PRKN: variants seen among roughly 807,000 people sequenced by gnomAD.
The protein encoded by PRKN is parkin RBR E3 ubiquitin protein ligase.
A neutral mutation model predicts 59.5 loss-of-function variants in PRKN; 56 were observed. The ratio of observed to expected loss-of-function variants is 0.94; its 90% CI spans 0.76 to 1.18. PRKN has a LOEUF of 1.18. Ranked by LOEUF, PRKN falls within the 50% of genes most tolerant of loss-of-function variation. The pLI is 0.00. For synonymous variants in PRKN, 250 were observed against 222.1 expected, an observed-to-expected ratio of 1.13 and a Z score of -1.12; for missense variants, 657 against 596.4, an observed-to-expected ratio of 1.10 and a Z score of -1.06.
intron 7 of PRKN, among the ~76,000 whole-genome samples, chr6:161,723,941 C>T (rs1787333607): frequency 6.6e-6 from 1 of 152,212 alleles, no homozygotes; most frequent in African/African-American, 2.4e-5. Flanking sequence ...CTCCACCACC[C>T]TCTCCACTGC....
chr6:162,206,954 G>T (rs529335148), intron 3 of PRKN, among the ~76,000 whole-genome samples: 7 of 152,184 alleles, frequency 4.6e-5, no homozygotes, highest in Non-Finnish European at 8.8e-5. Context: ...TTGAGTGAAG[G>T]TATTCATTAG....
chr6:161,834,252 G>A (rs538427070), intron 6 of PRKN, among the ~76,000 whole-genome samples: 2 of 152,028 alleles, frequency 1.3e-5, no homozygotes, highest in East Asian at 1.9e-4. Context: ...TCCCTTAGTC[G>A]GTCTACACAG....
At chr6:162,430,310 C>A (rs1006093735) in intron 2 of PRKN, among the ~76,000 whole-genome samples, 1 of 152,148 alleles carries the variant, frequency 6.6e-6, no homozygotes, top group Non-Finnish European at 1.5e-5. Context: ...GTAGATAACA[C>A]AATTTTTCTC....
intron 1 of PRKN, among the ~76,000 whole-genome samples, chr6:162,546,918 T>C (rs1240871219): frequency 1.3e-5 from 2 of 152,190 alleles, no homozygotes; most frequent in Admixed American, 6.5e-5. Context: ...TTTTCTCACA[T>C]ACCTTTATTT....
intron 3 of PRKN, among the ~76,000 whole-genome samples, chr6:162,253,256 G>T (rs752816089): frequency 6.7e-6 from 1 of 149,376 alleles, no homozygotes; most frequent in Non-Finnish European, 1.5e-5. Flanking sequence ...AACGAAACAG[G>T]CATGCTGGTG....
At chr6:162,167,416 T>C (rs1414724700) in intron 4 of PRKN, among the ~76,000 whole-genome samples, 3 of 152,164 alleles carry the variant, frequency 2.0e-5, no homozygotes, top group African/African-American at 4.8e-5. Flanking sequence ...AGCTGGATCA[T>C]GGTAAATGCT....
intron 3 of PRKN, among the ~76,000 whole-genome samples, chr6:162,225,905 T>C (rs1583226467): frequency 2.0e-5 from 3 of 146,692 alleles, no homozygotes; most frequent in Admixed American, 6.8e-5. Flanking sequence ...TATATATATA[T>C]ACTTTTGTTA....
rs2115441726 is a variant in PRKN at position 161,554,010 on chromosome 6, A to T, written c.934-5007T>A. On this transcript the variant is annotated intron_variant, in intron 8 of 11. Coordinates refer to ENST00000366898, the MANE Select transcript of PRKN (RefSeq NM_004562.3). This position sits in a 1 kb window ranked among gnomAD's most constrained non-coding sequence, Gnocchi z 4.5. ...CAAGACCATAAATTGGGTGCTAGGCATGTTCAGTGCTCCTAAGTTAGTCAT... is the reference window on the plus strand; with the variant it reads ...CAAGACCATAAATTGGGTGCTAGGCTTGTTCAGTGCTCCTAAGTTAGTCAT... Among the ~76,000 whole-genome samples, 1 of 152,370 alleles carries T rather than the reference A, an allele frequency of 6.6e-6. No homozygotes were observed. The highest frequency in any genetic ancestry group is 1.9e-4 in the East Asian group (1 of 5,186).
rs1790094461 is a variant in PRKN, at chr6:161,459,087, C to T, written c.1084-72210G>A. Among the ~76,000 whole-genome samples the T allele has an allele frequency of 6.6e-6, 1 of 152,196 alleles. No homozygotes were observed. The highest frequency in any genetic ancestry group is 1.5e-5 in the Non-Finnish European group (1 of 68,024). ...TCCTTCCTCAGAGAGTGTCTGCTGA[C>T]AGCCAGGGCCTTGTTAGTGGCCCAG... On this transcript the variant is annotated intron_variant, in intron 9 of 11. Coordinates refer to ENST00000366898, the MANE Select transcript of PRKN (RefSeq NM_004562.3). This position sits in a 1 kb window ranked among gnomAD's most constrained non-coding sequence, Gnocchi z 4.8.
At chr6:161,505,766 C>T (rs1778143666) in intron 9 of PRKN, among the ~76,000 whole-genome samples, 1 of 76,644 alleles carries the variant, frequency 1.3e-5, no homozygotes, top group African/African-American at 5.7e-5. Flanking sequence ...TTCCCAGCAC[C>T]ATTTATTAAA....
chr6:161,486,013 A>C (rs1204871199), intron 9 of PRKN, among the ~76,000 whole-genome samples: 1 of 152,156 alleles, frequency 6.6e-6, no homozygotes, highest in Non-Finnish European at 1.5e-5. Context: ...ATTATGTAGA[A>C]GAGATGTTTA....
chr6:162,219,733 G>A (rs1777853279), intron 3 of PRKN, among the ~76,000 whole-genome samples: 1 of 151,888 alleles, frequency 6.6e-6, no homozygotes, highest in Non-Finnish European at 1.5e-5. Context: ...TGATTCTTCG[G>A]TCCATGAGTA....
chr6:162,389,981 A>C (rs917267930), intron 2 of PRKN, among the ~76,000 whole-genome samples: 1 of 152,134 alleles, frequency 6.6e-6, no homozygotes, highest in Non-Finnish European at 1.5e-5. Flanking sequence ...GCTCAAGGTG[A>C]GACAGTATTT....
rs34466786 is a variant in PRKN, at chr6:161,972,274, C to CAA, written c.734+1026_734+1027dup. ...GAGCAACAAGAGCGAAACTCCTTCT[C>CAA]AAAAAAAAAAAAAAAAAAGAGTTCT... On this transcript the variant is annotated intron_variant, in intron 6 of 11. Transcript: ENST00000366898. Among the ~76,000 whole-genome samples, 458 of 91,368 alleles carry CAA rather than the reference C, an allele frequency of 5.0e-3. 5 individuals are homozygous for CAA. The highest frequency in any genetic ancestry group is 0.019 in the African/African-American group (410 of 21,918). 59.9% of individuals were successfully genotyped at this position (91,368 alleles called of 152,430 possible).
At chr6:162,313,990 T>C (rs1261268135) in intron 2 of PRKN, among the ~76,000 whole-genome samples, 38 of 152,146 alleles carry the variant, frequency 2.5e-4, no homozygotes, top group Admixed American at 2.5e-3. Flanking sequence ...TAGGCACAAC[T>C]GACAAAAAGA....
intron 3 of PRKN, among the ~76,000 whole-genome samples, chr6:162,250,745 A>G (rs1277706682): frequency 6.6e-6 from 1 of 152,234 alleles, no homozygotes; most frequent in Non-Finnish European, 1.5e-5. Flanking sequence ...CTCTGTAAAG[A>G]AAAATTTTCC....
At chr6:162,026,034 C>T (rs914772873) in intron 5 of PRKN, among the ~76,000 whole-genome samples, 1 of 152,146 alleles carries the variant, frequency 6.6e-6, no homozygotes, top group Non-Finnish European at 1.5e-5. Context: ...CATGGGCTCG[C>T]AGGTCCTGTC....
intron 1 of PRKN, among the ~76,000 whole-genome samples, chr6:162,553,426 G>C (rs911566170): frequency 1.3e-5 from 2 of 151,612 alleles, no homozygotes; most frequent in Non-Finnish European, 2.9e-5. Context: ...AGATATAGGG[G>C]GGGTGCTGTA....
intron 5 of PRKN, among the ~76,000 whole-genome samples, chr6:162,050,632 C>A (rs1488833936): frequency 6.6e-6 from 1 of 152,116 alleles, no homozygotes; most frequent in Non-Finnish European, 1.5e-5. Flanking sequence ...CCCAGGAGGT[C>A]CCAAGCCTGA....
Sources: gnomAD v4.1 joint callset for allele counts (sites outside exome capture counted in the v4.1 genomes callset) on GRCh38, gnomAD v4.1.1 for gene constraint, Gnocchi (gnomAD v3.1) non-coding constraint, MANE v1.5 for transcripts, NCBI Gene and HGNC (gene_info 2026-07-23, HGNC 2026-07-21) for gene names.